Variants in NDUFS4 observed in about 807,000 individuals in gnomAD.
NDUFS4 encodes NADH dehydrogenase [ubiquinone] iron-sulfur protein 4, mitochondrial.
In NDUFS4, 28 loss-of-function variants were observed where a neutral mutation model predicts 24.3. The ratio of observed to expected loss-of-function variants is 1.15; its 90% CI spans 0.85 to 1.58. NDUFS4 has a LOEUF of 1.58. Ranked by LOEUF, NDUFS4 falls within the 40% of genes most tolerant of loss-of-function variation. The probability of loss-of-function intolerance (pLI) is 0.00; values close to 1 mark genes in which losing one functional copy is unlikely to be tolerated. For missense variants in NDUFS4, 223 were observed against 207.9 expected (o/e 1.07, Z -0.45); for synonymous variants, 93 against 69.7 (o/e 1.34, Z -1.67).
intron 2 of NDUFS4, among the ~76,000 whole-genome samples, chr5:53,645,889 G>T (rs956466785): frequency 1.3e-5 from 2 of 151,928 alleles, no homozygotes; most frequent in African/African-American, 4.8e-5. Context: ...CCTCTGACTA[G>T]TTCGCACTTG....
At chr5:53,621,423 G>A (rs1579884015) in intron 2 of NDUFS4, among the ~76,000 whole-genome samples, 1 of 151,984 alleles carries the variant, frequency 6.6e-6, no homozygotes, top group South Asian at 2.1e-4. Flanking sequence ...AATATTTATT[G>A]ATATAATTGG....
At chr5:53,596,861 G>T (rs1340576731) in intron 1 of NDUFS4, among the ~76,000 whole-genome samples, 1 of 152,098 alleles carries the variant, frequency 6.6e-6, no homozygotes, top group African/African-American at 2.4e-5. Flanking sequence ...GTTTTATTTT[G>T]TCTAAAAGTC....
At chr5:53,650,257 T>C (rs1751979918) in intron 3 of NDUFS4, among the ~76,000 whole-genome samples, 1 of 152,220 alleles carries the variant, frequency 6.6e-6, no homozygotes, top group African/African-American at 2.4e-5. Context: ...TATAAGAATA[T>C]ACATTTGAGT....
At chr5:53,611,956 C>T (rs1750710872) in intron 2 of NDUFS4, among the ~76,000 whole-genome samples, 1 of 151,968 alleles carries the variant, frequency 6.6e-6, no homozygotes, top group South Asian at 2.1e-4. Flanking sequence ...TTAATTAGTC[C>T]TACATAGGTA....
chr5:53,597,267 A>AC (rs1750159927), intron 1 of NDUFS4, among the ~76,000 whole-genome samples: 2 of 152,186 alleles, frequency 1.3e-5, no homozygotes, highest in East Asian at 3.9e-4. Flanking sequence ...ATATTCTAAG[A>AC]GACAGGGAGT....
rs562024347 is a variant in NDUFS4 at position 53,599,159 on chromosome 5, C to T, written c.99-4293C>T. Among the ~76,000 whole-genome samples the T allele has an allele frequency of 2.0e-5, 3 of 152,102 alleles. No individual in the cohort carries two copies. In the East Asian group the frequency reaches 5.8e-4, roughly 29 times the overall value. ...GAACACTGTTTTACTGGGTACATTG[C>T]CCAGTAAAATATGATTATTAATATT... On this transcript the variant is annotated intron_variant, in intron 1 of 4. Coordinates refer to ENST00000296684, the MANE Select transcript of NDUFS4 (RefSeq NM_002495.4).
intron 4 of NDUFS4, among the ~76,000 whole-genome samples, chr5:53,674,269 C>G (rs1324422544): frequency 1.3e-5 from 2 of 152,140 alleles, no homozygotes; most frequent in Non-Finnish European, 2.9e-5. Context: ...CCTGTTTGTT[C>G]AGATTCTTCT....
chr5:53,651,794 G>A (rs1388426513), intron 3 of NDUFS4, among the ~76,000 whole-genome samples: 1 of 133,538 alleles, frequency 7.5e-6, no homozygotes, highest in African/African-American at 2.8e-5. Flanking sequence ...TTTTTTTTGA[G>A]ATGGAGTCTC....
At chr5:53,640,600 A>G (rs1579908841) in intron 2 of NDUFS4, among the ~76,000 whole-genome samples, 1 of 152,028 alleles carries the variant, frequency 6.6e-6, no homozygotes, top group African/African-American at 2.4e-5. Context: ...TCTTTTAAAC[A>G]ACCAGCTCTT....
intron 3 of NDUFS4, among the ~76,000 whole-genome samples, chr5:53,653,520 C>G (rs1206918547): frequency 6.6e-6 from 1 of 152,028 alleles, no homozygotes; most frequent in Non-Finnish European, 1.5e-5. Flanking sequence ...CATCTCATTA[C>G]TGACTTTTGA....
chr5:53,567,454 AT>A (rs1300560565), intron 1 of NDUFS4, among the ~76,000 whole-genome samples: 1 of 151,980 alleles, frequency 6.6e-6, no homozygotes, highest in African/African-American at 2.4e-5. Context: ...TAAGCTAATG[AT>A]TTTTTCCCCT....
In NDUFS4 at chr5:53,582,210, C is replaced by CAAAATAAAATAAAAT. The variant is rs374195906; in HGVS notation, c.99-21221_99-21207dup. On this transcript the variant is annotated intron_variant, in intron 1 of 4. Transcript: ENST00000296684. ...TGAGCAACAGAGTGAGACTCTGTCTCAAAATAAAATAAAATAAAATAAAAT... is the reference window on the plus strand; with the variant it reads ...TGAGCAACAGAGTGAGACTCTGTCTCAAAATAAAATAAAATAAAATAAAATAAAATAAAATAAAAT... Among the ~76,000 whole-genome samples, 663 of 117,790 alleles carry CAAAATAAAATAAAAT rather than the reference C, an allele frequency of 5.6e-3. 3 individuals are homozygous for CAAAATAAAATAAAAT. The highest frequency in any genetic ancestry group is 0.017 in the Middle Eastern group (4 of 240). The allele number at this position is 117,790 out of a possible 152,430, so 77.3% of individuals were successfully genotyped here.
intron 1 of NDUFS4, among the ~76,000 whole-genome samples, chr5:53,596,675 A>G (rs1262826453): frequency 2.0e-5 from 3 of 152,166 alleles, no homozygotes; most frequent in African/African-American, 7.2e-5. Flanking sequence ...GAATATGTAT[A>G]TATTTTATTT....
intron 1 of NDUFS4, among the ~76,000 whole-genome samples, chr5:53,585,900 CTA>C (rs1184728498): frequency 6.6e-6 from 1 of 151,948 alleles, no homozygotes; most frequent in African/African-American, 2.4e-5. Context: ...TGTTTTGAAA[CTA>C]TTGGAATTTT....
chr5:53,588,651 GA>G (rs1404248478), intron 1 of NDUFS4, among the ~76,000 whole-genome samples: 6 of 152,188 alleles, frequency 3.9e-5, no homozygotes, highest in Middle Eastern at 3.4e-3. Flanking sequence ...TTAATGATGT[GA>G]TCATCAGCCT....
At chr5:53,655,643 A>G (rs1752139583) in intron 3 of NDUFS4, among the ~76,000 whole-genome samples, 1 of 152,164 alleles carries the variant, frequency 6.6e-6, no homozygotes, top group African/African-American at 2.4e-5. Flanking sequence ...AGATAACAAT[A>G]ATCTATTAAT....
At chr5:53,654,874 A>T (rs1185884451) in intron 3 of NDUFS4, among the ~76,000 whole-genome samples, 2 of 152,226 alleles carry the variant, frequency 1.3e-5, no homozygotes, top group African/African-American at 4.8e-5. Flanking sequence ...AATATTAAAT[A>T]GGCTTTGCTC....
At chr5:53,604,282 G>T (rs1246693399) in intron 2 of NDUFS4, among the ~76,000 whole-genome samples, 1 of 151,920 alleles carries the variant, frequency 6.6e-6, no homozygotes, top group African/African-American at 2.4e-5. Flanking sequence ...CTTTATTATT[G>T]TACAGTATTT....
At chr5:53,568,234 T>G (rs1274532080) in intron 1 of NDUFS4, among the ~76,000 whole-genome samples, 1 of 152,162 alleles carries the variant, frequency 6.6e-6, no homozygotes, top group African/African-American at 2.4e-5. Flanking sequence ...TCCAGTTCAC[T>G]GGTTTTTAAA....
Sources: allele counts gnomAD v4.1 joint callset (sites outside exome capture counted in the v4.1 genomes callset), GRCh38; gene constraint gnomAD v4.1.1; transcripts MANE v1.5; gene names NCBI Gene and HGNC (gene_info 2026-07-23, HGNC 2026-07-21).